The following H2AZ2 variants were observed in gnomAD, a reference collection of about 807,000 sequenced individuals.
The protein encoded by H2AZ2 is H2A.Z variant histone 2.
A neutral mutation model predicts 15.5 loss-of-function variants in H2AZ2; 5 were observed. That is an observed-to-expected ratio of 0.32 (90% CI 0.17 to 0.68). H2AZ2 has a LOEUF of 0.68. Ranked by LOEUF, H2AZ2 falls within the 30% of genes least tolerant of loss-of-function variation. The pLI is 0.72. For missense variants in H2AZ2, 42 were observed against 162.5 expected, an observed-to-expected ratio of 0.26 and a Z score of 4.03; for synonymous variants, 44 against 57.4, an observed-to-expected ratio of 0.77 and a Z score of 1.05.
At chr7:44,830,293 T>G (rs1792981988), downstream of H2AZ2, 1 of 861,376 alleles carries the variant, frequency 1.2e-6, no homozygotes, top group Admixed American at 2.9e-5. Context: ...GTGGTGAGTA[T>G]AAGAATTCAC....
chr7:44,847,959 C>A lies in H2AZ2; in HGVS notation c.3+10G>T. The A allele has an allele frequency of 1.3e-6, 2 of 1,495,682 alleles. No individual in the cohort carries two copies. The highest frequency in any genetic ancestry group is 8.9e-7 in the Non-Finnish European group (1 of 1,129,726). The allele number at this position is 1,495,682 out of a possible 1,614,324, so 92.7% of individuals were successfully genotyped here. On this transcript the variant is annotated intron_variant, in intron 1 of 4. Coordinates refer to ENST00000308153, the MANE Select transcript of H2AZ2 (RefSeq NM_012412.5). ...GGCCCCGTGCCCCCGGCCCACCCGG[C>A]CGCCCTTACCATGTTCTCGGCGCCG...
At chr7:44,839,574 C>T (rs965211089) in intron 3 of H2AZ2, among the ~76,000 whole-genome samples, 9 of 147,884 alleles carry the variant, frequency 6.1e-5, no homozygotes, top group East Asian at 2.0e-4. Flanking sequence ...CCCAGCTACT[C>T]GGGAGGCTGA....
At chr7:44,835,753 T>C in intron 3 of H2AZ2, 95 bp from the exon 4 acceptor site, 1 of 1,019,760 alleles carries the variant, frequency 9.8e-7, no homozygotes, top group Non-Finnish European at 1.4e-6. Context: ...GCACACACAA[T>C]ACATAAACTG....
intron 3 of H2AZ2, among the ~76,000 whole-genome samples, chr7:44,838,714 C>T (rs972048858): frequency 6.6e-6 from 1 of 152,154 alleles, no homozygotes; most frequent in African/African-American, 2.4e-5. Context: ...CACAGAGAAG[C>T]TGAAACTATC....
At chr7:44,831,114 C>G (rs1329429292), downstream of H2AZ2, among the ~76,000 whole-genome samples, 1 of 152,182 alleles carries the variant, frequency 6.6e-6, no homozygotes, top group Non-Finnish European at 1.5e-5. Flanking sequence ...TTGCAGTGAG[C>G]TGAGATTGTG....
chr7:44,834,688 A>T, intron 4 of H2AZ2, 126 bp from the exon 5 acceptor site: 1 of 814,752 alleles, frequency 1.2e-6, no homozygotes, highest in Non-Finnish European at 1.9e-6. Context: ...TAAACTATCT[A>T]TACCAATGGC....
chr7:44,830,579 G>T (rs1792985979), downstream of H2AZ2, among the ~76,000 whole-genome samples: 1 of 152,120 alleles, frequency 6.6e-6, no homozygotes, highest in African/African-American at 2.4e-5. Context: ...AAAAGAAAAA[G>T]AAAAATCCTT....
At chr7:44,834,631 A>G in intron 4 of H2AZ2, 69 bp from the exon 5 acceptor site, 1 of 1,376,386 alleles carries the variant, frequency 7.3e-7, no homozygotes, top group South Asian at 1.2e-5. Context: ...AGTTAATTAT[A>G]GAAAAAATGA....
intron 1 of H2AZ2, among the ~76,000 whole-genome samples, 177 bp from the exon 2 acceptor site, chr7:44,843,531 G>A (rs1371267148): frequency 6.6e-6 from 1 of 152,026 alleles, no homozygotes; most frequent in Non-Finnish European, 1.5e-5. Flanking sequence ...TTCTATCAAA[G>A]AAATCAAACC....
chr7:44,827,570 T>C (rs1792943359), downstream of H2AZ2: 1 of 152,260 alleles, frequency 6.6e-6, no homozygotes. Flanking sequence ...GTACAGTGGC[T>C]GTACAACTGC....
intron 1 of H2AZ2, among the ~76,000 whole-genome samples, chr7:44,843,753 T>G (rs2117043277): frequency 6.6e-6 from 1 of 152,284 alleles, no homozygotes; most frequent in African/African-American, 2.4e-5. Context: ...GAGGTGGGTT[T>G]CACTATGTTG....
intron 3 of H2AZ2, among the ~76,000 whole-genome samples, chr7:44,839,630 C>T (rs1325055951): frequency 1.3e-5 from 2 of 150,606 alleles, no homozygotes; most frequent in Non-Finnish European, 3.0e-5. Flanking sequence ...TGCAGTGAGC[C>T]GAGACTGCAC....
At chr7:44,846,058 C>CAGAG (rs1278378854) in intron 1 of H2AZ2, among the ~76,000 whole-genome samples, 40 of 92,742 alleles carry the variant, frequency 4.3e-4, no homozygotes, top group Middle Eastern at 5.7e-3. Context: ...CACACACACA[C>CAGAG]ACACAGAGAG....
At chr7:44,828,733 T>G (rs1310110207), downstream of H2AZ2, 2 of 152,178 alleles carry the variant, frequency 1.3e-5, no homozygotes, top group Non-Finnish European at 2.9e-5. Context: ...TTAAACTAAG[T>G]TTCTGTAGGT....
At chr7:44,835,451 A>G in intron 4 of H2AZ2, 78 bp downstream of exon 4, 1 of 1,188,882 alleles carries the variant, frequency 8.4e-7, no homozygotes, top group East Asian at 2.4e-5. Context: ...AACCGATCAA[A>G]TATACTATAT....
chr7:44,834,450 C>G lies in H2AZ2; in HGVS notation c.*51G>C. On this transcript the variant is annotated 3_prime_UTR_variant, in exon 5 of 5. Coordinates refer to ENST00000308153, the MANE Select transcript of H2AZ2 (RefSeq NM_012412.5). Reference sequence around the variant, plus strand: ...CACATATCCCCATTATTTCTTCTGTCCCAGTTACAGTACAATGACGGGGAG... The same window carrying G: ...CACATATCCCCATTATTTCTTCTGTGCCAGTTACAGTACAATGACGGGGAG... 1 of 1,578,462 alleles carries G rather than the reference C, an allele frequency of 6.3e-7. No individual in the cohort carries two copies. The highest frequency in any genetic ancestry group is 8.6e-7 in the Non-Finnish European group (1 of 1,159,944).
intron 3 of H2AZ2, among the ~76,000 whole-genome samples, chr7:44,840,514 T>C (rs974613760): frequency 9.2e-5 from 14 of 151,942 alleles, no homozygotes; most frequent in Non-Finnish European, 2.9e-5. Flanking sequence ...CTCAAGCCTG[T>C]AATCTCAGCA....
Position 44,833,716 on chromosome 7 carries a change from C to CT in H2AZ2, c.*784dup. 1.0e-6 allele frequency: 1 copy of CT among 984,932 alleles called. No individual in the cohort carries two copies. The highest frequency in any genetic ancestry group is 1.1e-4 in the East Asian group (1 of 8,812). The allele number at this position is 984,932 out of a possible 1,614,324, so 61.0% of individuals were successfully genotyped here. Reference sequence around the variant, plus strand: ...AACTGAACATCAATTCCAGGTAAAACTAGGCTCTGGAGTCAGCCAGATCTA... The same window carrying CT: ...AACTGAACATCAATTCCAGGTAAAACTTAGGCTCTGGAGTCAGCCAGATCTA... On this transcript the variant is annotated 3_prime_UTR_variant, in exon 5 of 5. Transcript: ENST00000308153.
downstream of H2AZ2, among the ~76,000 whole-genome samples, chr7:44,831,518 A>AT (rs1194255507): frequency 1.3e-5 from 2 of 151,652 alleles, no homozygotes; most frequent in African/African-American, 4.9e-5. Flanking sequence ...AAGTCTGTTG[A>AT]TTATATTGCA....
Sources: allele counts gnomAD v4.1 joint callset (sites outside exome capture counted in the v4.1 genomes callset), GRCh38; gene constraint gnomAD v4.1.1; transcripts MANE v1.5; gene names NCBI Gene and HGNC (gene_info 2026-07-23, HGNC 2026-07-21).